Variants in PTPRM observed in about 807,000 individuals in gnomAD.
The protein encoded by PTPRM is protein tyrosine phosphatase receptor type M.
A neutral mutation model predicts 186.7 loss-of-function variants in PTPRM; 47 were observed. The ratio of observed to expected loss-of-function variants is 0.25; its 90% CI spans 0.20 to 0.32. The LOEUF (loss-of-function observed/expected upper bound fraction) is 0.32. PTPRM is among the 10% of genes least tolerant of loss of function. PTPRM has a pLI of 1.00. For missense variants in PTPRM, 1,494 were observed against 1,865.0 expected (o/e 0.80, Z 3.66); for synonymous variants, 668 against 674.9 (o/e 0.99, Z 0.16).
chr18:7,996,431 C>T (rs2083541791), intron 7 of PTPRM, among the ~76,000 whole-genome samples: 1 of 152,062 alleles, frequency 6.6e-6, no homozygotes, highest in African/African-American at 2.4e-5. Flanking sequence ...ATACAGCTAA[C>T]ATCATACCAA....
chr18:8,043,281 C>G (rs572550447), intron 7 of PTPRM, among the ~76,000 whole-genome samples: 1 of 152,106 alleles, frequency 6.6e-6, no homozygotes, highest in Non-Finnish European at 1.5e-5. Flanking sequence ...TAGTATGTGC[C>G]GCAGATTCTA....
chr18:7,933,131 G>A (rs1292169141), intron 5 of PTPRM, among the ~76,000 whole-genome samples: 1 of 152,150 alleles, frequency 6.6e-6, no homozygotes, highest in Admixed American at 6.5e-5. Flanking sequence ...GGCTGTCTCA[G>A]GATCACAGTG....
At chr18:8,191,850 G>A (rs1167288065) in intron 14 of PTPRM, among the ~76,000 whole-genome samples, 1 of 152,116 alleles carries the variant, frequency 6.6e-6, no homozygotes, top group Non-Finnish European at 1.5e-5. Context: ...CCCTGAGATT[G>A]TATATAGATG....
In PTPRM at chr18:7,926,587, G is replaced by C. The variant is rs2051184967; in HGVS notation, c.567G>C (p.Leu189=). The change falls in exon 5 of 33, where the codon CTG becomes CTC. Residue 189 remains leucine (L), a synonymous_variant. Transcript: ENST00000580170. ...GHPCTRTPHF[L]RIQNVEVNAG... is the part of the protein sequence containing the mutation. ...ATGTAGCCAGGACTCCTCACTTCCT[G>C]CGGATTCAGAATGTGGAAGTTAATG... 3 of 1,613,018 alleles carry C rather than the reference G, an allele frequency of 1.9e-6. No individual in the cohort carries two copies. Among genetic ancestry groups the C allele is most frequent in the African/African-American group, 1.3e-5 (1 of 74,966 alleles).
At chr18:7,886,348 C>T (rs762538639) in intron 2 of PTPRM, among the ~76,000 whole-genome samples, 5 of 152,180 alleles carry the variant, frequency 3.3e-5, no homozygotes, top group East Asian at 1.9e-4. Context: ...ATGATACTCT[C>T]GTCACTTGTT....
rs71165776 is a variant in PTPRM, at chr18:8,238,651, G to GTTTTTTTTT, written c.2301-5382_2301-5374dup. 3.1e-3 allele frequency among the ~76,000 whole-genome samples: 80 copies of GTTTTTTTTT among 25,746 alleles called. 13 individuals are homozygous for GTTTTTTTTT. Among genetic ancestry groups the GTTTTTTTTT allele is most frequent in the East Asian group, 0.012 (8 of 670 alleles). The allele number at this position is 25,746 out of a possible 152,430, so 16.9% of individuals were successfully genotyped here. The stretch of plus-strand genomic sequence containing the variant: ...TCTGTCTCTTCACACTGTTTTGTGT[G>GTTTTTTTTT]TTTTTTTTTTTTTTTTTTTTTTTTT... On this transcript the variant is annotated intron_variant, in intron 14 of 32. Coordinates refer to ENST00000580170, the MANE Select transcript of PTPRM (RefSeq NM_001105244.2).
At chr18:8,218,990 C>T (rs2094122120) in intron 14 of PTPRM, among the ~76,000 whole-genome samples, 1 of 152,274 alleles carries the variant, frequency 6.6e-6, no homozygotes, top group African/African-American at 2.4e-5. Context: ...ACTGATGGAG[C>T]TCTCTGCATC....
At chr18:7,878,524 T>G (rs543361481) in intron 2 of PTPRM, among the ~76,000 whole-genome samples, 1 of 152,280 alleles carries the variant, frequency 6.6e-6, no homozygotes, top group East Asian at 1.9e-4. Flanking sequence ...TTTTGAACTG[T>G]TTTTTAGGAC....
rs776762432 is a variant in PTPRM, at chr18:8,248,135, T to TA, written c.2528-14dup. 1 of 1,528,564 alleles carries TA rather than the reference T, an allele frequency of 6.5e-7. No homozygotes were observed. The highest frequency in any genetic ancestry group is 2.2e-5 in the East Asian group (1 of 44,454). 94.7% of individuals were successfully genotyped at this position (1,528,564 alleles called of 1,614,324 possible). ...TTTACTTTCTCTGCATTGACCTGCT[T>TA]ACGGTGTATGACAGACCCATTTGTG... On this transcript the variant is annotated splice_polypyrimidine_tract_variant and intron_variant, in intron 16 of 32. Coordinates refer to ENST00000580170, the MANE Select transcript of PTPRM (RefSeq NM_001105244.2).
At chr18:7,980,159 A>T (rs2082470648) in intron 7 of PTPRM, among the ~76,000 whole-genome samples, 1 of 152,000 alleles carries the variant, frequency 6.6e-6, no homozygotes. Context: ...CTGCCCACTC[A>T]TTTTGGCCAG....
chr18:8,114,469 A>G (rs1281286661), intron 12 of PTPRM, among the ~76,000 whole-genome samples: 5 of 152,072 alleles, frequency 3.3e-5, no homozygotes, highest in Non-Finnish European at 4.4e-5. Flanking sequence ...TGCTTCTCCA[A>G]TACTGTTTGC....
chr18:8,182,647 T>C lies in PTPRM; in HGVS notation c.2300+38868T>C, dbSNP rs74523435. ...TCTTTATTTTTAGAAAGCATCATAG[T>C]TCCTACTTGGGGACCACTATTGCAC... On this transcript the variant is annotated intron_variant, in intron 14 of 32. Coordinates refer to ENST00000580170, the MANE Select transcript of PTPRM (RefSeq NM_001105244.2). 2.9e-3 allele frequency among the ~76,000 whole-genome samples: 449 copies of C among 152,306 alleles called. 1 individual carries two copies. Among genetic ancestry groups the C allele is most frequent in the African/African-American group, 0.01 (427 of 41,556 alleles).
chr18:8,177,519 G>A (rs976622063), intron 14 of PTPRM, among the ~76,000 whole-genome samples: 18 of 152,172 alleles, frequency 1.2e-4, no homozygotes, highest in African/African-American at 3.6e-4. Context: ...TGTGATTGAC[G>A]GAAGCTCAGC....
chr18:7,817,130 A>G (rs1341827988), intron 2 of PTPRM, among the ~76,000 whole-genome samples: 1 of 151,924 alleles, frequency 6.6e-6, no homozygotes, highest in Non-Finnish European at 1.5e-5. Context: ...ATGTGCCACT[A>G]TGCCTGGCTA....
At chr18:7,807,968 T>C (rs890452328) in intron 2 of PTPRM, among the ~76,000 whole-genome samples, 2 of 152,180 alleles carry the variant, frequency 1.3e-5, no homozygotes, top group Non-Finnish European at 2.9e-5. Context: ...GGCTCTTTTT[T>C]TCTCACTCCA....
At chr18:7,732,303 G>C (rs1364072203) in intron 1 of PTPRM, among the ~76,000 whole-genome samples, 10 of 152,072 alleles carry the variant, frequency 6.6e-5, no homozygotes, top group African/African-American at 2.4e-4. Context: ...GGCTTCGAAG[G>C]TGGTGTCTTA....
At chr18:7,708,297 A>T (rs2040139413) in intron 1 of PTPRM, among the ~76,000 whole-genome samples, 1 of 152,236 alleles carries the variant, frequency 6.6e-6, no homozygotes, top group Non-Finnish European at 1.5e-5. Context: ...TATAATTGAC[A>T]GCTAGTAAAC....
At chr18:7,824,891 G>A (rs1012441869) in intron 2 of PTPRM, among the ~76,000 whole-genome samples, 2 of 152,192 alleles carry the variant, frequency 1.3e-5, no homozygotes, top group Non-Finnish European at 2.9e-5. Context: ...CATGGTGTCA[G>A]CTGCTTGCTG....
intron 4 of PTPRM, among the ~76,000 whole-genome samples, chr18:7,913,044 T>C (rs748519013): frequency 2.0e-5 from 3 of 152,238 alleles, no homozygotes; most frequent in Non-Finnish European, 4.4e-5. Context: ...GTTTTCAGAG[T>C]ACAAGTTCTG....
Sources: gnomAD v4.1 joint callset for allele counts (sites outside exome capture counted in the v4.1 genomes callset) on GRCh38, gnomAD v4.1.1 for gene constraint, MANE v1.5 for transcripts, NCBI Gene and HGNC (gene_info 2026-07-23, HGNC 2026-07-21) for gene names.